CEP43: variants seen among roughly 807,000 people sequenced by gnomAD.
The protein encoded by CEP43 is centrosomal protein 43, also known as FGFR1 oncogene partner.
Under a neutral mutation model 52.6 loss-of-function variants are expected in CEP43, and 36 were observed. The ratio of observed to expected loss-of-function variants is 0.68; its 90% CI spans 0.52 to 0.90. The LOEUF is 0.90. Among genes scored for constraint, CEP43 ranks in the 40% least tolerant of loss-of-function variants. The pLI, the probability that CEP43 is intolerant of heterozygous loss-of-function variation, is 0.00. For synonymous variants in CEP43, 192 were observed against 172.4 expected, an observed-to-expected ratio of 1.11 and a Z score of -0.89; for missense variants, 506 against 472.8, an observed-to-expected ratio of 1.07 and a Z score of -0.65.
At chr6:167,016,484 A>T (rs1780102530) in intron 7 of CEP43, among the ~76,000 whole-genome samples, 1 of 152,176 alleles carries the variant, frequency 6.6e-6, no homozygotes, top group Non-Finnish European at 1.5e-5. Context: ...CTGATCCTCA[A>T]CTGTGGGGCT....
intron 7 of CEP43, among the ~76,000 whole-genome samples, chr6:167,017,736 T>C (rs997119893): frequency 3.9e-5 from 6 of 152,164 alleles, no homozygotes; most frequent in African/African-American, 1.4e-4. Flanking sequence ...GAGTGTACTA[T>C]TGGATAATTT....
At chr6:167,003,437 T>C in intron 3 of CEP43, 190 bp downstream of exon 3, 1 of 508,156 alleles carries the variant, frequency 2.0e-6, no homozygotes, top group Non-Finnish European at 3.4e-6. Context: ...ATGTTGTTGC[T>C]TAAAGCCAGT....
chr6:167,038,634 T>C (rs1780630612), intron 12 of CEP43, among the ~76,000 whole-genome samples: 1 of 152,206 alleles, frequency 6.6e-6, no homozygotes, highest in Non-Finnish European at 1.5e-5. Context: ...TTTTAAATTT[T>C]CACTTGAAAT....
At chr6:167,003,294 A>T in intron 3 of CEP43, 47 bp downstream of exon 3, 1 of 1,059,194 alleles carries the variant, frequency 9.4e-7, no homozygotes, top group Non-Finnish European at 1.4e-6. Flanking sequence ...GAATTTTTGA[A>T]TCTTGATACC....
chr6:167,041,577 C>G lies in CEP43; in HGVS notation c.*1599C>G. ...GTCACTTTCTAAAAGCACTATAGTT[C>G]TGGTCCCCTGGAATCTGGATCACAT... On this transcript the variant is annotated 3_prime_UTR_variant, in exon 13 of 13. Transcript: ENST00000366847. 1 of 1,048,454 alleles carries G rather than the reference C, an allele frequency of 9.5e-7. No homozygotes were observed. Among genetic ancestry groups the G allele is most frequent in the East Asian group, 5.5e-5 (1 of 18,050 alleles). The allele number at this position is 1,048,454 out of a possible 1,614,324, so 64.9% of individuals were successfully genotyped here. A position where few individuals can be genotyped will look rare whatever the true frequency, so the allele number is the denominator to read the frequency against.
intron 8 of CEP43, 86 bp downstream of exon 8, chr6:167,022,721 A>C: frequency 1.1e-6 from 1 of 889,934 alleles, no homozygotes; most frequent in Non-Finnish European, 1.7e-6. Context: ...ATAATGAACT[A>C]TGGAAGGTTT....
Position 167,047,680 on chromosome 6 carries a change from C to G in CEP43, c.*7702C>G, listed in dbSNP as rs1303419294. ...TCTGTTCCCCTTTCAAAACCTAATTCAGATGTCACTTCCTCCTCAAAGCTC... is the reference window on the plus strand; with the variant it reads ...TCTGTTCCCCTTTCAAAACCTAATTGAGATGTCACTTCCTCCTCAAAGCTC... On this transcript the variant is annotated 3_prime_UTR_variant, in exon 13 of 13. Transcript: ENST00000366847. 2 of 152,290 alleles carry G rather than the reference C, an allele frequency of 1.3e-5. No homozygotes were observed. The highest frequency in any genetic ancestry group is 1.5e-5 in the Non-Finnish European group (1 of 68,024). 9.4% of individuals were successfully genotyped at this position (152,290 alleles called of 1,614,324 possible).
intron 2 of CEP43, among the ~76,000 whole-genome samples, 193 bp from the exon 3 acceptor site, chr6:167,003,000 A>C (rs1172023869): frequency 6.6e-6 from 1 of 152,252 alleles, no homozygotes; most frequent in Non-Finnish European, 1.5e-5. Flanking sequence ...TAAAAATACA[A>C]ATCTTCATAT....
At chr6:167,006,058 A>G (rs1162824498) in intron 5 of CEP43, among the ~76,000 whole-genome samples, 2 of 152,172 alleles carry the variant, frequency 1.3e-5, no homozygotes, top group Non-Finnish European at 1.5e-5. Context: ...CCGTGTGCCC[A>G]GGTTCCTTAT....
At chr6:167,031,257 A>T (rs1020423011) in intron 10 of CEP43, among the ~76,000 whole-genome samples, 1 of 151,154 alleles carries the variant, frequency 6.6e-6, no homozygotes, top group Non-Finnish European at 1.5e-5. Flanking sequence ...ACCCTCCCCC[A>T]CCTCAGGGCC....
At chr6:167,036,415 G>A in intron 12 of CEP43, 1 of 985,380 alleles carries the variant, frequency 1.0e-6, no homozygotes, top group South Asian at 4.7e-5. Context: ...GATGAACTAG[G>A]AGCAGAGGCC....
In CEP43 at chr6:167,033,862, C is replaced by T; in HGVS notation, c.1029-13C>T. The T allele has an allele frequency of 1.4e-6, 2 of 1,386,688 alleles. No individual in the cohort carries two copies. Among genetic ancestry groups the T allele is most frequent in the Middle Eastern group, 1.8e-4 (1 of 5,476 alleles). The allele number at this position is 1,386,688 out of a possible 1,614,324, so 85.9% of individuals were successfully genotyped here. ...TTCAGAGTTCTTATTTTTTTTTCCC[C>T]TTCTGAAATTAGTACCAGCCATCGC... On this transcript the variant is annotated splice_polypyrimidine_tract_variant and intron_variant, in intron 11 of 12. Transcript: ENST00000366847.
chr6:167,003,419 G>A, intron 3 of CEP43, 172 bp downstream of exon 3: 1 of 504,462 alleles, frequency 2.0e-6, no homozygotes. Flanking sequence ...CATATTTTTG[G>A]ATTTGGGATG....
intron 5 of CEP43, among the ~76,000 whole-genome samples, chr6:167,010,088 G>C (rs897109678): frequency 2.0e-5 from 3 of 152,210 alleles, no homozygotes; most frequent in African/African-American, 7.2e-5. Flanking sequence ...AAAAGTTACA[G>C]TCAGTCATAA....
chr6:167,024,091 G>A (rs940236919), intron 8 of CEP43, among the ~76,000 whole-genome samples: 12 of 152,158 alleles, frequency 7.9e-5, no homozygotes, highest in East Asian at 5.8e-4. Context: ...GGAGGGCTGC[G>A]CAGCAGTGGA....
rs1003953671 is a variant in CEP43 at position 167,041,677 on chromosome 6, T to C, written c.*1699T>C. On this transcript the variant is annotated 3_prime_UTR_variant, in exon 13 of 13. Coordinates refer to ENST00000366847, the MANE Select transcript of CEP43 (RefSeq NM_007045.4). ...TTTGAAAGCATAGCAGGATGTGGCT[T>C]TTTAAATTTATGAAACTTTCGAACA... 9.6e-7 allele frequency: 1 copy of C among 1,043,510 alleles called. No homozygotes were observed. The highest frequency in any genetic ancestry group is 1.7e-5 in the African/African-American group (1 of 59,826). The allele number at this position is 1,043,510 out of a possible 1,614,324, so 64.6% of individuals were successfully genotyped here. A position where few individuals can be genotyped will look rare whatever the true frequency, so the allele number is the denominator to read the frequency against.
Position 167,046,927 on chromosome 6 carries a change from G to A in CEP43, c.*6949G>A, listed in dbSNP as rs1320665481. On this transcript the variant is annotated 3_prime_UTR_variant, in exon 13 of 13. Coordinates refer to ENST00000366847, the MANE Select transcript of CEP43 (RefSeq NM_007045.4). ...GGCACTTTTGATAAACTCCTGGCAG[G>A]AAACTCAATCTCTGGGGGTCAGAGT... The A allele has an allele frequency of 6.6e-6, 1 of 152,230 alleles. No homozygotes were observed. Among genetic ancestry groups the A allele is most frequent in the Non-Finnish European group, 1.5e-5 (1 of 68,066 alleles). 9.4% of individuals were successfully genotyped at this position (152,230 alleles called of 1,614,324 possible).
At chr6:167,024,733 T>C (rs750178877) in intron 8 of CEP43, 49 bp from the exon 9 acceptor site, 3 of 1,253,562 alleles carry the variant, frequency 2.4e-6, no homozygotes, top group Admixed American at 4.1e-5. Context: ...TAAAAGTGTT[T>C]AGTGGCAGAA....
Position 167,032,232 on chromosome 6 carries a change from A to G in CEP43, c.989-371A>G, listed in dbSNP as rs992899216. On this transcript the variant is annotated intron_variant, in intron 10 of 12. Transcript: ENST00000366847. ...GTTTTTTAACTTTTATAACAAAACA[A>G]TTAGCATGTTGAAAACGCTCAGTAG... Among the ~76,000 whole-genome samples, 4 of 152,250 alleles carry G rather than the reference A, an allele frequency of 2.6e-5. No homozygotes were observed. The East Asian group carries it at 5.8e-4, about 22-fold the overall frequency.
Sources: allele counts gnomAD v4.1 joint callset (sites outside exome capture counted in the v4.1 genomes callset), GRCh38; gene constraint gnomAD v4.1.1; transcripts MANE v1.5; gene names NCBI Gene and HGNC (gene_info 2026-07-23, HGNC 2026-07-21).